The following MDGA2 variants were observed in gnomAD, a reference collection of about 807,000 sequenced individuals.
MDGA2 encodes MAM domain containing glycosylphosphatidylinositol anchor 2.
MDGA2 carries 40 observed loss-of-function variants against 117.8 expected under a neutral mutation model. The observed-to-expected ratio is 0.34, with a 90% confidence interval of 0.26 to 0.44. The LOEUF (loss-of-function observed/expected upper bound fraction) is 0.44, where lower values mean the gene tolerates loss of function less well. Ranked by LOEUF, MDGA2 falls within the 20% of genes least tolerant of loss-of-function variation. The pLI is 1.00. For synonymous variants in MDGA2, 452 were observed against 439.0 expected (o/e 1.03, Z -0.37); for missense variants, 1,123 against 1,250.6 (o/e 0.90, Z 1.54).
chr14:47,576,548 T>C (rs1896118976), intron 1 of MDGA2, among the ~76,000 whole-genome samples: 3 of 151,962 alleles, frequency 2.0e-5, no homozygotes, highest in Non-Finnish European at 4.4e-5. Flanking sequence ...ATTGGAAGAG[T>C]ACAAATTTAA....
At chr14:47,230,644 T>C (rs1339622757) in intron 2 of MDGA2, among the ~76,000 whole-genome samples, 1 of 151,778 alleles carries the variant, frequency 6.6e-6, no homozygotes, top group Non-Finnish European at 1.5e-5. Context: ...TTTAGAAAAA[T>C]AGGAACAAGA....
chr14:47,638,058 T>G (rs1459330718), intron 1 of MDGA2, among the ~76,000 whole-genome samples: 1 of 152,198 alleles, frequency 6.6e-6, no homozygotes, highest in East Asian at 1.9e-4. Context: ...GAAGCTGGTT[T>G]AATGATGCCT....
chr14:47,184,342 C>G (rs1159275954), intron 3 of MDGA2, among the ~76,000 whole-genome samples: 2 of 151,790 alleles, frequency 1.3e-5, no homozygotes, highest in Non-Finnish European at 2.9e-5. Flanking sequence ...AACAATCAAC[C>G]AGCTGCAAAT....
chr14:47,335,544 C>A (rs1185279286), intron 1 of MDGA2, among the ~76,000 whole-genome samples: 7 of 151,246 alleles, frequency 4.6e-5, no homozygotes, highest in Non-Finnish European at 3.0e-5. Context: ...ATAAGGTCAA[C>A]AGTTACAGGA....
chr14:47,177,158 C>G (rs1269147576), intron 3 of MDGA2, among the ~76,000 whole-genome samples: 1 of 152,142 alleles, frequency 6.6e-6, no homozygotes, highest in Non-Finnish European at 1.5e-5. Flanking sequence ...ACAACAGGTG[C>G]TAGAGAGGAT....
At chr14:46,994,514 AACACACACACACAC>A (rs60903573) in intron 8 of MDGA2, among the ~76,000 whole-genome samples, 2 of 149,982 alleles carry the variant, frequency 1.3e-5, no homozygotes, top group Non-Finnish European at 3.0e-5. Flanking sequence ...CACACATACA[AACACACACACACAC>A]ACACACACAC....
intron 7 of MDGA2, among the ~76,000 whole-genome samples, chr14:47,045,959 G>A (rs1218433688): frequency 1.3e-5 from 2 of 149,582 alleles, no homozygotes; most frequent in East Asian, 2.0e-4. Flanking sequence ...GGTGAGACTC[G>A]GTCTCAAAAA....
At chr14:47,276,285 G>A (rs1888309311) in intron 2 of MDGA2, among the ~76,000 whole-genome samples, 1 of 152,128 alleles carries the variant, frequency 6.6e-6, no homozygotes, top group South Asian at 2.1e-4. Flanking sequence ...AGGAAACTAA[G>A]TCTTGGAAAT....
chr14:47,336,717 G>A (rs1426660157), intron 1 of MDGA2, among the ~76,000 whole-genome samples: 1 of 151,806 alleles, frequency 6.6e-6, no homozygotes, highest in South Asian at 2.1e-4. Context: ...AGAAAAGTAG[G>A]CCCCCTCAAG....
At chr14:47,540,563 T>TACAC (rs1555330674) in intron 1 of MDGA2, among the ~76,000 whole-genome samples, 6,245 of 111,878 alleles carry the variant, frequency 0.056, 480 homozygotes, top group South Asian at 0.093. Context: ...TGTATATATA[T>TACAC]ACACACACAC....
intron 6 of MDGA2, among the ~76,000 whole-genome samples, chr14:47,083,040 A>G (rs1219048403): frequency 1.3e-5 from 2 of 151,990 alleles, no homozygotes; most frequent in Non-Finnish European, 2.9e-5. Context: ...GCACAGATGG[A>G]GAAGAACAAG....
intron 8 of MDGA2, among the ~76,000 whole-genome samples, chr14:47,024,307 A>AT (rs1410138972): frequency 1.3e-5 from 2 of 152,216 alleles, no homozygotes; most frequent in Non-Finnish European, 2.9e-5. Context: ...TATATTCATC[A>AT]TTTTATGTTG....
At chr14:47,559,992 C>T (rs778891715) in intron 1 of MDGA2, among the ~76,000 whole-genome samples, 1 of 152,158 alleles carries the variant, frequency 6.6e-6, no homozygotes, top group Non-Finnish European at 1.5e-5. Flanking sequence ...TCCACAATGG[C>T]TGAACTAATT....
chr14:47,569,796 T>C (rs1895985127), intron 1 of MDGA2, among the ~76,000 whole-genome samples: 1 of 152,242 alleles, frequency 6.6e-6, no homozygotes, highest in African/African-American at 2.4e-5. Context: ...AGATTATTCA[T>C]TTGTTGTTTT....
chr14:47,461,501 G>A (rs781647573), intron 1 of MDGA2, among the ~76,000 whole-genome samples: 4 of 151,928 alleles, frequency 2.6e-5, no homozygotes, highest in Admixed American at 2.0e-4. Context: ...GTGAAAAAAT[G>A]GAAGCAATTT....
chr14:47,080,212 C>T lies in MDGA2; in HGVS notation c.1195+16642G>A, dbSNP rs183769417. 1.7e-3 allele frequency among the ~76,000 whole-genome samples: 264 copies of T among 152,140 alleles called. 2 individuals are homozygous for T. The highest frequency in any genetic ancestry group is 0.014 in the Middle Eastern group (4 of 294). The stretch of plus-strand genomic sequence containing the variant: ...TACAGACAGGGTAGAAGAAATGATT[C>T]TAAAATCAATTCAGACATGCTAGAG... On this transcript the variant is annotated intron_variant, in intron 6 of 16. Transcript: ENST00000399232.
intron 1 of MDGA2, among the ~76,000 whole-genome samples, chr14:47,372,542 A>G (rs1243517321): frequency 3.9e-5 from 6 of 151,922 alleles, no homozygotes; most frequent in Non-Finnish European, 8.8e-5. Flanking sequence ...TAAAATTGGC[A>G]AACTTAAAAA....
intron 6 of MDGA2, among the ~76,000 whole-genome samples, chr14:47,082,098 A>G (rs547301617): frequency 2.6e-5 from 4 of 152,210 alleles, no homozygotes; most frequent in East Asian, 3.9e-4. Flanking sequence ...TCTGTGTTCT[A>G]TCATCATTGT....
rs1489853992 is a variant in MDGA2 at position 47,183,336 on chromosome 14, G to A, written c.595+34685C>T. On this transcript the variant is annotated intron_variant, in intron 3 of 16. Transcript: ENST00000399232. ...AGGCCCATCATCTCTTACATTACAA[G>A]CATTTCTCCTTTCGGTTTCATTCCA... is the stretch of plus-strand genomic sequence containing the variant. Among the ~76,000 whole-genome samples the A allele has an allele frequency of 3.3e-5, 5 of 151,906 alleles. No homozygotes were observed. The East Asian group carries it at 7.7e-4, about 23-fold the overall frequency.
Sources: allele counts gnomAD v4.1 joint callset (sites outside exome capture counted in the v4.1 genomes callset), GRCh38; gene constraint gnomAD v4.1.1; transcripts MANE v1.5; gene names NCBI Gene and HGNC (gene_info 2026-07-23, HGNC 2026-07-21).